SHOC1: variants seen among roughly 807,000 people sequenced by gnomAD.
SHOC1 encodes shortage in chiasmata 1, also known as protein shortage in chiasmata 1 ortholog.
A neutral mutation model predicts 179.2 loss-of-function variants in SHOC1; 136 were observed. The observed-to-expected ratio is 0.76, with a 90% confidence interval of 0.66 to 0.87. The LOEUF (loss-of-function observed/expected upper bound fraction) is 0.87. Among genes scored for constraint, SHOC1 ranks in the 40% least tolerant of loss-of-function variants. The pLI is 0.00. For missense variants in SHOC1, 1,538 were observed against 1,700.8 expected (o/e 0.90, Z 1.68); for synonymous variants, 489 against 586.6 (o/e 0.83, Z 2.41).
intron 12 of SHOC1, 194 bp downstream of exon 12, chr9:111,738,086 C>A: frequency 4.2e-6 from 2 of 476,760 alleles, no homozygotes; most frequent in South Asian, 4.3e-5. Context: ...TTAGGGTTAG[C>A]TAGTCAAACT....
At chr9:111,695,160 A>G (rs760847955) in intron 24 of SHOC1, among the ~76,000 whole-genome samples, 36 of 152,152 alleles carry the variant, frequency 2.4e-4, no homozygotes, top group Admixed American at 3.3e-4. Flanking sequence ...TGAAGGAAAG[A>G]TAGTTCATGA....
intron 5 of SHOC1, among the ~76,000 whole-genome samples, chr9:111,769,171 G>A (rs1359322614): frequency 2.6e-5 from 4 of 151,966 alleles, no homozygotes; most frequent in Non-Finnish European, 1.5e-5. Context: ...TTTTGTTGAC[G>A]ATTTTTGTAT....
intron 21 of SHOC1, 101 bp from the exon 22 acceptor site, chr9:111,704,093 A>G (rs949630960): frequency 1.4e-5 from 8 of 574,610 alleles, no homozygotes; most frequent in Non-Finnish European, 2.1e-5. Context: ...TTGGATTTCT[A>G]TGCTTTTTCT....
In SHOC1 at chr9:111,727,539, TAGA is replaced by T. The variant is rs1340259965; in HGVS notation, c.1834+91_1834+93del. 3 of 1,119,460 alleles carry T rather than the reference TAGA, an allele frequency of 2.7e-6. No homozygotes were observed. In the Admixed American group the frequency reaches 9.2e-5, roughly 34 times the overall value. 69.3% of individuals were successfully genotyped at this position (1,119,460 alleles called of 1,614,324 possible). A position where few individuals can be genotyped will look rare whatever the true frequency, so the allele number is the denominator to read the frequency against. The stretch of plus-strand genomic sequence containing the variant: ...CTACAAAAAATAACATAATTTTATC[TAGA>T]AGAACTTTATCTCCTTGCCTTCTAT... On this transcript the variant is annotated intron_variant, in intron 13 of 27. Transcript: ENST00000682961.
chr9:111,696,439 A>G (rs1395593161), intron 24 of SHOC1, among the ~76,000 whole-genome samples: 2 of 152,230 alleles, frequency 1.3e-5, no homozygotes, highest in African/African-American at 4.8e-5. Context: ...TCAGGAAAAC[A>G]GGAGGCTTAT....
chr9:111,704,912 T>C (rs1832178704), intron 21 of SHOC1, among the ~76,000 whole-genome samples: 2 of 152,066 alleles, frequency 1.3e-5, no homozygotes, highest in Middle Eastern at 3.2e-3. Context: ...GCACACAAAA[T>C]GTTCATATTT....
chr9:111,722,309 A>T, intron 15 of SHOC1, 100 bp downstream of exon 15: 1 of 1,090,158 alleles, frequency 9.2e-7, no homozygotes, highest in Non-Finnish European at 1.3e-6. Flanking sequence ...GCCACCATCT[A>T]TGGCTAATTT....
At chr9:111,768,983 A>T (rs190391455) in intron 5 of SHOC1, among the ~76,000 whole-genome samples, 1 of 152,258 alleles carries the variant, frequency 6.6e-6, no homozygotes, top group East Asian at 1.9e-4. Context: ...ATTTTATCAA[A>T]TGCTTTTTTC....
At chr9:111,697,933 G>A (rs1195067622) in intron 24 of SHOC1, among the ~76,000 whole-genome samples, 3 of 152,210 alleles carry the variant, frequency 2.0e-5, no homozygotes, top group Non-Finnish European at 4.4e-5. Context: ...GCATTTATCT[G>A]ATGGCCAGTG....
At chr9:111,786,112 A>G (rs1836250608) in intron 2 of SHOC1, 77 bp from the exon 3 acceptor site, 1 of 1,008,692 alleles carries the variant, frequency 9.9e-7, no homozygotes, top group Non-Finnish European at 1.3e-6. Flanking sequence ...AAAATTCTCT[A>G]TACTTTGAAA....
chr9:111,691,045 A>G (rs1831402763), intron 27 of SHOC1, among the ~76,000 whole-genome samples: 1 of 152,238 alleles, frequency 6.6e-6, no homozygotes, highest in African/African-American at 2.4e-5. Context: ...TTGTGCTTTT[A>G]AAAATTTGAT....
intron 15 of SHOC1, among the ~76,000 whole-genome samples, chr9:111,718,586 T>A (rs1000819637): frequency 2.0e-5 from 3 of 152,196 alleles, no homozygotes; most frequent in African/African-American, 7.2e-5. Context: ...TGAGAATTCA[T>A]GCCCTTGTTG....
intron 24 of SHOC1, among the ~76,000 whole-genome samples, chr9:111,699,297 T>C (rs760599152): frequency 1.3e-4 from 20 of 152,104 alleles, no homozygotes; most frequent in Non-Finnish European, 2.5e-4. Flanking sequence ...ACTAAGCTTG[T>C]GGGAGGATGA....
intron 1 of SHOC1, among the ~76,000 whole-genome samples, chr9:111,791,729 A>T (rs1435340614): frequency 6.6e-6 from 1 of 152,148 alleles, no homozygotes; most frequent in Non-Finnish European, 1.5e-5. Flanking sequence ...AGAGGTTGAA[A>T]TTTACAAGAT....
At chr9:111,782,558 A>G (rs1292703555) in intron 3 of SHOC1, among the ~76,000 whole-genome samples, 1 of 151,340 alleles carries the variant, frequency 6.6e-6, no homozygotes, top group East Asian at 1.9e-4. Flanking sequence ...TATGTACACT[A>G]AAACAGTTGA....
intron 17 of SHOC1, among the ~76,000 whole-genome samples, chr9:111,713,688 G>C (rs1832652480): frequency 1.3e-5 from 2 of 152,068 alleles, no homozygotes; most frequent in South Asian, 4.1e-4. Flanking sequence ...TCAGAAAAAG[G>C]CCACAGTTTA....
chr9:111,738,808 T>A (rs1410551447), intron 11 of SHOC1, among the ~76,000 whole-genome samples: 2 of 152,226 alleles, frequency 1.3e-5, no homozygotes, highest in African/African-American at 4.8e-5. Flanking sequence ...AATCTTATTT[T>A]GTTTGACCAT....
chr9:111,725,209 T>C (rs188324321), intron 13 of SHOC1, among the ~76,000 whole-genome samples: 1 of 152,310 alleles, frequency 6.6e-6, no homozygotes, highest in Admixed American at 6.5e-5. Context: ...AGAATAGATA[T>C]GATCAAATAA....
At chr9:111,690,431 C>T (rs990325159) in intron 27 of SHOC1, among the ~76,000 whole-genome samples, 7 of 151,776 alleles carry the variant, frequency 4.6e-5, no homozygotes, top group African/African-American at 1.5e-4. Context: ...CTTAAAGAAA[C>T]AAAAAATCTC....
Sources: allele counts gnomAD v4.1 joint callset (sites outside exome capture counted in the v4.1 genomes callset), GRCh38; gene constraint gnomAD v4.1.1; transcripts MANE v1.5; gene names NCBI Gene and HGNC (gene_info 2026-07-23, HGNC 2026-07-21).